PRELID2: variants seen among roughly 807,000 people sequenced by gnomAD.
PRELID2 encodes the protein PRELI domain containing 2.
PRELID2 carries 25 observed loss-of-function variants against 28.4 expected under a neutral mutation model. The ratio of observed to expected loss-of-function variants is 0.88; its 90% confidence interval spans 0.64 to 1.23. PRELID2 has a LOEUF of 1.23. PRELID2 is among the 50% of genes most tolerant of loss of function. PRELID2 has a pLI of 0.00. For missense variants in PRELID2, 201 were observed against 214.4 expected (o/e 0.94, Z 0.39); for synonymous variants, 76 against 71.6 (o/e 1.06, Z -0.31).
In PRELID2 at chr5:145,749,005, C is replaced by G. The variant is rs193118491; in HGVS notation, n.70+15926G>C. 5.5e-3 allele frequency among the ~76,000 whole-genome samples: 831 copies of G among 152,108 alleles called. 4 individuals are homozygous for G. Among genetic ancestry groups the G allele is most frequent in the Non-Finnish European group, 8.1e-3 (553 of 67,994 alleles). ...TGGATTAAAGACTTAAATGTAAAAC[C>G]CCAAACCAAAAAAACTCCAGAAGAA... On this transcript the variant is annotated intron_variant and non_coding_transcript_variant, in intron 1 of 2. Coordinates refer to the PRELID2 transcript ENST00000510259.
the PRELID2 span, chr5:145,437,062 C>G: frequency 7.9e-5 from 12 of 152,224 alleles, no homozygotes; most frequent in Non-Finnish European, 1.5e-4. Context: ...CCAATATCCT[C>G]CACATAATAA....
At chr5:145,297,003 T>C in the PRELID2 span, among the ~76,000 whole-genome samples, 1 of 152,148 alleles carries the variant, frequency 6.6e-6, no homozygotes, top group Admixed American at 6.6e-5. Context: ...TTGAGAAGTG[T>C]CTGTTCATGT....
intron 1 of PRELID2, among the ~76,000 whole-genome samples, chr5:145,687,344 G>A (rs149121503): frequency 1.2e-3 from 182 of 152,188 alleles, no homozygotes; most frequent in African/African-American, 4.1e-3. Context: ...AAAGCACATC[G>A]TCAAAAGACA....
At chr5:145,333,255 C>G in the PRELID2 span, among the ~76,000 whole-genome samples, 1 of 152,154 alleles carries the variant, frequency 6.6e-6, no homozygotes, top group Non-Finnish European at 1.5e-5. Flanking sequence ...GGTCAGGGAC[C>G]CACTTGAGGA....
At chr5:145,484,412 G>C (rs926676728) in intron 1 of PRELID2, among the ~76,000 whole-genome samples, 1 of 152,178 alleles carries the variant, frequency 6.6e-6, no homozygotes. Context: ...CTGACTCATA[G>C]ACTGACTCAT....
chr5:145,679,279 T>C (rs1236970396), intron 1 of PRELID2, among the ~76,000 whole-genome samples: 2 of 152,090 alleles, frequency 1.3e-5, no homozygotes, highest in Non-Finnish European at 2.9e-5. Context: ...TCCCTAACTA[T>C]AGAAGCCTGA....
chr5:145,557,470 TACA>T (rs1350466583), intron 1 of PRELID2, among the ~76,000 whole-genome samples: 1 of 152,154 alleles, frequency 6.6e-6, no homozygotes, highest in African/African-American at 2.4e-5. Context: ...AGAGCAGGAC[TACA>T]ACAAGACTTC....
At chr5:145,652,325 C>T (rs370992854) in intron 1 of PRELID2, among the ~76,000 whole-genome samples, 1 of 152,216 alleles carries the variant, frequency 6.6e-6, no homozygotes, top group Admixed American at 6.5e-5. Context: ...TTGGAAAACA[C>T]TCTGCAGGAT....
At chr5:145,529,942 T>C (rs1479695468) in intron 1 of PRELID2, among the ~76,000 whole-genome samples, 7 of 152,192 alleles carry the variant, frequency 4.6e-5, no homozygotes, top group Non-Finnish European at 1.0e-4. Context: ...TTCAATCTTC[T>C]TCCTGCTCAT....
Position 145,615,059 on chromosome 5 carries a change from AG to A in PRELID2, n.71-141745del, listed in dbSNP as rs138084688. 2.0e-3 allele frequency among the ~76,000 whole-genome samples: 305 copies of A among 152,236 alleles called. 2 individuals are homozygous for A. The highest frequency in any genetic ancestry group is 6.8e-3 in the African/African-American group (283 of 41,544). On this transcript the variant is annotated intron_variant and non_coding_transcript_variant, in intron 1 of 2. Transcript: ENST00000510259. ...GTCTGTTTCATTTCTTAGGTCTATT[AG>A]TAATTGTTTTATGAATTTGGGAGCT...
chr5:145,629,581 A>G (rs1219709407), intron 1 of PRELID2, among the ~76,000 whole-genome samples: 1 of 152,196 alleles, frequency 6.6e-6, no homozygotes, highest in East Asian at 1.9e-4. Context: ...AATTATAACA[A>G]GTATGGAGGC....
At chr5:145,610,192 C>A (rs1194956864) in intron 1 of PRELID2, among the ~76,000 whole-genome samples, 1 of 152,120 alleles carries the variant, frequency 6.6e-6, no homozygotes, top group Non-Finnish European at 1.5e-5. Context: ...TCACTCACAC[C>A]CTTTCCCACA....
chr5:145,673,609 A>G (rs1480475006), intron 1 of PRELID2, among the ~76,000 whole-genome samples: 2 of 152,112 alleles, frequency 1.3e-5, no homozygotes, highest in Non-Finnish European at 2.9e-5. Flanking sequence ...TCTCAATCAT[A>G]TCAATAAATA....
At chr5:145,247,484 T>C in the PRELID2 span, among the ~76,000 whole-genome samples, 1 of 152,134 alleles carries the variant, frequency 6.6e-6, no homozygotes. Context: ...TCTTAGGAAA[T>C]GCCTCTTTGA....
chr5:145,663,025 C>T (rs568563193), intron 1 of PRELID2, among the ~76,000 whole-genome samples: 2 of 151,978 alleles, frequency 1.3e-5, no homozygotes, highest in South Asian at 4.1e-4. Context: ...TCACAGAAGC[C>T]TCATTGAATG....
chr5:145,230,686 T>C, the PRELID2 span, among the ~76,000 whole-genome samples: 1 of 152,184 alleles, frequency 6.6e-6, no homozygotes, highest in Non-Finnish European at 1.5e-5. Context: ...GTTAATACAA[T>C]AAACATTTAT....
chr5:145,280,012 G>A, the PRELID2 span, among the ~76,000 whole-genome samples: 1 of 151,924 alleles, frequency 6.6e-6, no homozygotes, highest in Non-Finnish European at 1.5e-5. Flanking sequence ...ATCAACACAC[G>A]TTTTTCGTTA....
intron 1 of PRELID2, among the ~76,000 whole-genome samples, chr5:145,640,926 A>C (rs1235200602): frequency 6.6e-6 from 1 of 152,224 alleles, no homozygotes; most frequent in African/African-American, 2.4e-5. Flanking sequence ...CTGCTCAATA[A>C]ATAGTGGTAG....
At chr5:145,388,502 C>G in the PRELID2 span, among the ~76,000 whole-genome samples, 4 of 152,192 alleles carry the variant, frequency 2.6e-5, no homozygotes, top group Non-Finnish European at 4.4e-5. Context: ...TCACCACATT[C>G]ATGTCTTTGA....
Sources: allele counts gnomAD v4.1 joint callset (sites outside exome capture counted in the v4.1 genomes callset), GRCh38; gene constraint gnomAD v4.1.1; transcripts MANE v1.5; gene names NCBI Gene and HGNC (gene_info 2026-07-23, HGNC 2026-07-21).